The following PCDH15 variants were observed in gnomAD, a reference collection of about 807,000 sequenced individuals.
The protein encoded by PCDH15 is protocadherin-15.
Under a neutral mutation model 178.5 loss-of-function variants are expected in PCDH15, and 129 were observed. That is an observed-to-expected ratio of 0.72 (90% CI 0.63 to 0.84). The LOEUF (loss-of-function observed/expected upper bound fraction) is 0.84, where lower values mean the gene tolerates loss of function less well. Ranked by LOEUF, PCDH15 falls within the 40% of genes least tolerant of loss-of-function variation. The pLI is 0.00. For synonymous variants in PCDH15, 800 were observed against 732.0 expected, an observed-to-expected ratio of 1.09 and a Z score of -1.50; for missense variants, 2,230 against 2,099.9, an observed-to-expected ratio of 1.06 and a Z score of -1.21.
rs183854976 is a variant in PCDH15 at position 54,489,902 on chromosome 10, T to C, written c.157+37910A>G. 3.2e-3 allele frequency among the ~76,000 whole-genome samples: 487 copies of C among 152,264 alleles called. 3 individuals are homozygous for C. Among genetic ancestry groups the C allele is most frequent in the Middle Eastern group, 0.01 (3 of 294 alleles). On this transcript the variant is annotated intron_variant, in intron 3 of 37. Coordinates refer to ENST00000644397, the MANE Select transcript of PCDH15 (RefSeq NM_001384140.1). ...CAACTGTCCTGTCTTCAATTTCAAA[T>C]GAGGAAAATAATATCCACAAGTGCA...
chr10:54,120,278 G>A (rs1291807568), intron 15 of PCDH15, among the ~76,000 whole-genome samples: 4 of 152,038 alleles, frequency 2.6e-5, no homozygotes, highest in Non-Finnish European at 5.9e-5. Flanking sequence ...CTAAACATGG[G>A]AACCAAGAAC....
intron 8 of PCDH15, among the ~76,000 whole-genome samples, chr10:54,262,309 G>A (rs890552913): frequency 3.3e-5 from 5 of 152,112 alleles, no homozygotes; most frequent in African/African-American, 4.8e-5. Flanking sequence ...TGCCTGGCCT[G>A]CTCACATGCC....
chr10:54,683,188 G>A (rs2135687855), intron 1 of PCDH15, among the ~76,000 whole-genome samples: 1 of 151,896 alleles, frequency 6.6e-6, no homozygotes, highest in Non-Finnish European at 1.5e-5. Flanking sequence ...GTGGTAAAAT[G>A]TACATAACAT....
chr10:55,597,505 T>G (rs1202850875), intron 2 of PCDH15, among the ~76,000 whole-genome samples: 3 of 152,070 alleles, frequency 2.0e-5, no homozygotes, highest in African/African-American at 7.2e-5. Context: ...TTAACGTAAT[T>G]TTCTAAAAAA....
At chr10:54,595,614 C>T (rs939984243) in intron 2 of PCDH15, among the ~76,000 whole-genome samples, 2 of 152,170 alleles carry the variant, frequency 1.3e-5, no homozygotes, top group Admixed American at 6.5e-5. Context: ...GCTGAAATGA[C>T]AGAAATAGCA....
intron 2 of PCDH15, among the ~76,000 whole-genome samples, chr10:54,927,404 T>C (rs945360148): frequency 2.0e-5 from 3 of 152,120 alleles, no homozygotes; most frequent in African/African-American, 4.8e-5. Flanking sequence ...GAAAAATGTA[T>C]ATTTTGTTGC....
intron 2 of PCDH15, among the ~76,000 whole-genome samples, chr10:55,008,423 T>C (rs1393847040): frequency 6.6e-6 from 1 of 152,164 alleles, no homozygotes; most frequent in African/African-American, 2.4e-5. Context: ...CTTTCTTTTC[T>C]TTACTTGTAT....
chr10:54,756,821 A>G (rs1347668129), intron 1 of PCDH15, among the ~76,000 whole-genome samples: 1 of 152,206 alleles, frequency 6.6e-6, no homozygotes, highest in Non-Finnish European at 1.5e-5. Flanking sequence ...ATTTTTCTAC[A>G]TATATGCAAA....
intron 2 of PCDH15, among the ~76,000 whole-genome samples, chr10:54,656,272 A>T (rs1030033363): frequency 6.6e-6 from 1 of 152,104 alleles, no homozygotes; most frequent in Non-Finnish European, 1.5e-5. Flanking sequence ...AAGCTAGGGT[A>T]CAGAAAAAGA....
intron 25 of PCDH15, among the ~76,000 whole-genome samples, chr10:53,923,966 T>G (rs2084233405): frequency 6.6e-6 from 1 of 152,186 alleles, no homozygotes; most frequent in South Asian, 2.1e-4. Context: ...GGACAATAAT[T>G]TTTTTTTCTT....
chr10:54,752,467 A>G (rs866904325), intron 1 of PCDH15, among the ~76,000 whole-genome samples: 1 of 137,720 alleles, frequency 7.3e-6, no homozygotes, highest in Non-Finnish European at 1.6e-5. Flanking sequence ...ACAGAACGAG[A>G]CTCCGTCTCA....
chr10:54,703,395 A>G (rs2095332897), intron 1 of PCDH15, among the ~76,000 whole-genome samples: 1 of 146,030 alleles, frequency 6.8e-6, no homozygotes, highest in South Asian at 2.1e-4. Flanking sequence ...AAGGCAAGGG[A>G]AAAAAAATAA....
At position 54,169,586 on chromosome 10, in the gene PCDH15, C is replaced by T. The variant is rs1486823226; in HGVS notation, c.1590+13858G>A. On this transcript the variant is annotated intron_variant, in intron 13 of 37. Transcript: ENST00000644397. ...GACTACAGCTATATCTCATTGCCGC[C>T]CTTCTTCCCAATCCAAAGCCTCCTT... Among the ~76,000 whole-genome samples, 4 of 149,276 alleles carry T rather than the reference C, an allele frequency of 2.7e-5. No homozygotes were observed. The South Asian group carries it at 6.4e-4, about 24-fold the overall frequency.
At chr10:54,769,783 G>T (rs1041882307) in intron 1 of PCDH15, among the ~76,000 whole-genome samples, 1 of 152,074 alleles carries the variant, frequency 6.6e-6, no homozygotes, top group East Asian at 1.9e-4. Flanking sequence ...GCATAAGCCA[G>T]TTAGGGTGAA....
intron 3 of PCDH15, among the ~76,000 whole-genome samples, chr10:54,432,504 G>T (rs1484290514): frequency 1.3e-5 from 2 of 152,034 alleles, no homozygotes; most frequent in East Asian, 1.9e-4. Flanking sequence ...AAAATATGGC[G>T]CTGGGAAAAC....
At chr10:54,297,111 G>A (rs1046452821) in intron 8 of PCDH15, among the ~76,000 whole-genome samples, 1 of 152,144 alleles carries the variant, frequency 6.6e-6, no homozygotes, top group Non-Finnish European at 1.5e-5. Context: ...TGCCACGTCA[G>A]TGAGTGTAAC....
At chr10:54,627,692 G>A (rs12414088) in intron 2 of PCDH15, among the ~76,000 whole-genome samples, 6 of 152,176 alleles carry the variant, frequency 3.9e-5, no homozygotes, top group Admixed American at 2.0e-4. Flanking sequence ...ACTTATTTTA[G>A]CAATGTTGAT....
In PCDH15 at chr10:54,100,783, T is replaced by C. The variant is rs139992860; in HGVS notation, c.1918-10720A>G. ...ACATATAGTAAGTGATATGATACCA[T>C]ATTAGCAGAGATAGTACATCAAATT... is the stretch of plus-strand genomic sequence containing the variant. On this transcript the variant is annotated intron_variant, in intron 15 of 37. Coordinates refer to ENST00000644397, the MANE Select transcript of PCDH15 (RefSeq NM_001384140.1). Among the ~76,000 whole-genome samples, 218 of 152,190 alleles carry C rather than the reference T, an allele frequency of 1.4e-3. 5 individuals are homozygous for C. In the East Asian group the frequency reaches 0.034, roughly 24 times the overall value.
chr10:55,544,057 C>A lies in PCDH15; in HGVS notation c.-156+83568G>T, dbSNP rs370764550. Among the ~76,000 whole-genome samples the A allele has an allele frequency of 3.4e-5, 5 of 147,822 alleles. No homozygotes were observed. In the South Asian group the frequency reaches 1.1e-3, roughly 31 times the overall value. On this transcript the variant is annotated intron_variant, in intron 2 of 5. Transcript: ENST00000613346. ...GATGTAAACAACTTCTGATTAAACG[C>A]CATTTATTCACGGAACCAGGTAAGA...
Sources: allele counts gnomAD v4.1 joint callset (sites outside exome capture counted in the v4.1 genomes callset), GRCh38; gene constraint gnomAD v4.1.1; transcripts MANE v1.5; gene names NCBI Gene and HGNC (gene_info 2026-07-23, HGNC 2026-07-21).